Variants in C3orf20 observed in about 807,000 individuals in gnomAD.
The protein encoded by C3orf20 is family with sequence similarity 149 member C.
In C3orf20, 76 loss-of-function variants were observed where a neutral mutation model predicts 88.3. The ratio of observed to expected loss-of-function variants is 0.86; its 90% CI spans 0.72 to 1.04. C3orf20 has a LOEUF of 1.04. C3orf20 is among the 50% of genes least tolerant of loss of function. The pLI, the probability that C3orf20 is intolerant of heterozygous loss-of-function variation, is 0.00. For missense variants in C3orf20, 1,056 were observed against 1,123.3 expected (o/e 0.94, Z 0.86); for synonymous variants, 436 against 437.4 (o/e 1.00, Z 0.04).
chr3:14,757,543 CGAGACCCCAGCCAAGTGCTGGTGTTTGG>C lies in C3orf20; in HGVS notation c.2116_2143del (p.Asp706SerfsTer17). The C allele has an allele frequency of 6.2e-7, 1 of 1,614,134 alleles. No homozygotes were observed. The highest frequency in any genetic ancestry group is 8.5e-7 in the Non-Finnish European group (1 of 1,179,998). On this transcript the variant is annotated frameshift_variant, in exon 13 of 17. Transcript: ENST00000253697. LOFTEE classifies it high-confidence loss of function. Reference sequence around the variant, plus strand: ...GCTGGAGCGCTTCCTGTTGGCGCCCCGAGACCCCAGCCAAGTGCTGGTGTTTGGGATCATCTCAAGCCAGAACTACACC... The same window carrying C: ...GCTGGAGCGCTTCCTGTTGGCGCCCCGATCATCTCAAGCCAGAACTACACC...
intron 5 of C3orf20, among the ~76,000 whole-genome samples, chr3:14,691,546 A>G (rs1388035611): frequency 6.6e-6 from 1 of 152,192 alleles, no homozygotes; most frequent in Non-Finnish European, 1.5e-5. Flanking sequence ...TCAGTTACCC[A>G]TGGTCAACTG....
Position 14,769,809 on chromosome 3 carries a change from G to A in C3orf20, c.2496-2258G>A, listed in dbSNP as rs530611391. Reference sequence around the variant, plus strand: ...TGGAGACAGGGAGAACAGGGAGGAGGCCAGTACCCAGGGTGGGGACATTTC... The same window carrying A: ...TGGAGACAGGGAGAACAGGGAGGAGACCAGTACCCAGGGTGGGGACATTTC... On this transcript the variant is annotated intron_variant, in intron 15 of 16. Coordinates refer to ENST00000253697, the MANE Select transcript of C3orf20 (RefSeq NM_032137.5). Among the ~76,000 whole-genome samples, 22 of 152,268 alleles carry A rather than the reference G, an allele frequency of 1.4e-4. No individual in the cohort carries two copies. The East Asian group carries it at 4.1e-3, about 28-fold the overall frequency.
intron 7 of C3orf20, among the ~76,000 whole-genome samples, chr3:14,706,127 T>C (rs2033493021): frequency 6.6e-6 from 1 of 152,174 alleles, no homozygotes; most frequent in African/African-American, 2.4e-5. Flanking sequence ...CAGGCTCTGC[T>C]GGCAGCAGCC....
At chr3:14,757,262 A>G in intron 12 of C3orf20, 109 bp from the exon 13 acceptor site, 3 of 952,148 alleles carry the variant, frequency 3.2e-6, no homozygotes, top group Non-Finnish European at 4.7e-6. Context: ...GGCCCAGACT[A>G]AAATCTGCCT....
chr3:14,740,721 A>G (rs561420757), intron 12 of C3orf20, among the ~76,000 whole-genome samples: 8 of 151,692 alleles, frequency 5.3e-5, no homozygotes, highest in African/African-American at 1.5e-4. Flanking sequence ...CAGCCTAGGT[A>G]TTTTCTACTG....
At chr3:14,706,325 T>C (rs183792334) in intron 7 of C3orf20, among the ~76,000 whole-genome samples, 1 of 152,156 alleles carries the variant, frequency 6.6e-6, no homozygotes, top group East Asian at 1.9e-4. Context: ...CTGCTTGCAA[T>C]GGGTTGTGTT....
chr3:14,729,354 C>T (rs1407596349), intron 12 of C3orf20, among the ~76,000 whole-genome samples: 1 of 152,120 alleles, frequency 6.6e-6, no homozygotes, highest in Non-Finnish European at 1.5e-5. Context: ...GCAGCGGGCA[C>T]AGCAAGTCCA....
intron 15 of C3orf20, among the ~76,000 whole-genome samples, chr3:14,769,962 G>A (rs1575168986): frequency 6.6e-6 from 1 of 152,084 alleles, no homozygotes; most frequent in Non-Finnish European, 1.5e-5. Context: ...TCCAGGTGAG[G>A]GGGACCATGC....
chr3:14,682,936 GC>G lies in C3orf20; in HGVS notation c.229del (p.Leu77TrpfsTer15). On this transcript the variant is annotated frameshift_variant, in exon 3 of 17. Transcript: ENST00000253697. LOFTEE classifies it high-confidence loss of function. Reference protein sequence around the residue: ...DILGLEVSFGAPLVVLMEPTF... With the variant: ...DILGLEVSFGXPLVVLMEPTF... Reference sequence around the variant, plus strand: ...CTTGGGCCTGGAGGTCAGCTTTGGAGCCCCCCTGGTGGTGCTCATGGAACCC... The same window carrying G: ...CTTGGGCCTGGAGGTCAGCTTTGGAGCCCCCTGGTGGTGCTCATGGAACCC... 2 of 1,614,122 alleles carry G rather than the reference GC, an allele frequency of 1.2e-6. No individual in the cohort carries two copies. Among genetic ancestry groups the G allele is most frequent in the Non-Finnish European group, 1.7e-6 (2 of 1,180,028 alleles).
intron 5 of C3orf20, among the ~76,000 whole-genome samples, chr3:14,700,893 T>G (rs1443074808): frequency 1.3e-5 from 2 of 152,254 alleles, no homozygotes; most frequent in African/African-American, 4.8e-5. Flanking sequence ...CCACCTCACC[T>G]GCTGACAGTT....
At chr3:14,737,444 A>T (rs367544000) in intron 12 of C3orf20, among the ~76,000 whole-genome samples, 5 of 152,276 alleles carry the variant, frequency 3.3e-5, no homozygotes, top group South Asian at 2.1e-4. Flanking sequence ...TCCAGTACAT[A>T]TAAAAGCTAT....
At chr3:14,715,672 T>A (rs1455214153) in intron 9 of C3orf20, among the ~76,000 whole-genome samples, 2 of 152,242 alleles carry the variant, frequency 1.3e-5, no homozygotes, top group African/African-American at 4.8e-5. Context: ...CTGTGTAATT[T>A]TTATTATTAA....
chr3:14,709,322 A>G (rs185137188), intron 7 of C3orf20, among the ~76,000 whole-genome samples: 1 of 152,272 alleles, frequency 6.6e-6, no homozygotes, highest in Admixed American at 6.5e-5. Flanking sequence ...AGGTAATTTT[A>G]CTTCTTCCTT....
intron 1 of C3orf20, among the ~76,000 whole-genome samples, chr3:14,680,581 A>G (rs189660438): frequency 6.6e-6 from 1 of 152,222 alleles, no homozygotes. Context: ...TGGTTATACA[A>G]CTCTGAATAT....
At chr3:14,756,861 G>A (rs1362375481) in intron 12 of C3orf20, among the ~76,000 whole-genome samples, 1 of 152,232 alleles carries the variant, frequency 6.6e-6, no homozygotes, top group Admixed American at 6.5e-5. Flanking sequence ...TTTGAAGAGA[G>A]TAGTGACATG....
intron 9 of C3orf20, among the ~76,000 whole-genome samples, chr3:14,720,367 A>C (rs757090922): frequency 6.6e-6 from 1 of 152,178 alleles, no homozygotes; most frequent in African/African-American, 2.4e-5. Flanking sequence ...AAGTTCAAAG[A>C]TGTCAAAAGA....
In C3orf20 at chr3:14,757,506, C is replaced by T. The variant is rs2035410437; in HGVS notation, c.2076C>T (p.Val692=). ...GCKCLVKAPL[V]SDVELERFLL... Reference sequence around the variant, plus strand: ...AGTGCCTGGTGAAGGCGCCCCTGGTCTCTGACGTGGAGCTGGAGCGCTTCC... The same window carrying T: ...AGTGCCTGGTGAAGGCGCCCCTGGTTTCTGACGTGGAGCTGGAGCGCTTCC... Residue 692 remains valine (V), a synonymous_variant, in exon 13 of 17, where the codon GTC becomes GTT. Coordinates refer to ENST00000253697, the MANE Select transcript of C3orf20 (RefSeq NM_032137.5). 6.2e-7 allele frequency: 1 copy of T among 1,614,030 alleles called. No homozygotes were observed. The highest frequency in any genetic ancestry group is 8.5e-7 in the Non-Finnish European group (1 of 1,180,006).
intron 12 of C3orf20, among the ~76,000 whole-genome samples, chr3:14,756,028 C>CAAAAAAAAAAAAAAAAAAAA (rs56242160): frequency 1.4e-5 from 1 of 72,736 alleles, no homozygotes; most frequent in Non-Finnish European, 2.6e-5. Flanking sequence ...GACTCCATCT[C>CAAAAAAAAAAAAAAAAAAAA]AAAAAAAAAA....
intron 7 of C3orf20, among the ~76,000 whole-genome samples, chr3:14,713,184 T>C (rs532180800): frequency 2.1e-4 from 32 of 152,358 alleles, no homozygotes; most frequent in Admixed American, 1.6e-3. Context: ...TGAACATGTA[T>C]ATTATTGTCT....
Sources: gnomAD v4.1 joint callset for allele counts (sites outside exome capture counted in the v4.1 genomes callset) on GRCh38, gnomAD v4.1.1 for gene constraint, MANE v1.5 for transcripts, NCBI Gene and HGNC (gene_info 2026-07-23, HGNC 2026-07-21) for gene names.